Variants in VIPR2 observed in about 807,000 individuals in gnomAD.
VIPR2 encodes the protein vasoactive intestinal polypeptide receptor 2.
A neutral mutation model predicts 58.0 loss-of-function variants in VIPR2; 48 were observed. The observed-to-expected ratio is 0.83, with a 90% CI of 0.66 to 1.05. The LOEUF is 1.05. Ranked by LOEUF, VIPR2 falls within the 50% of genes least tolerant of loss-of-function variation. The pLI, the probability that VIPR2 is intolerant of heterozygous loss-of-function variation, is 0.00. For synonymous variants in VIPR2, 243 were observed against 235.2 expected (o/e 1.03, Z -0.30); for missense variants, 534 against 558.0 (o/e 0.96, Z 0.43).
At chr7:159,103,891 C>T in intron 3 of VIPR2, 37 bp from the exon 4 acceptor site, 1 of 1,578,926 alleles carries the variant, frequency 6.3e-7, no homozygotes, top group Non-Finnish European at 8.7e-7. Flanking sequence ...TCTGCAAGTC[C>T]ATGAAAACTG....
intron 4 of VIPR2, among the ~76,000 whole-genome samples, chr7:159,070,165 TG>T (rs1488549956): frequency 6.6e-6 from 1 of 152,186 alleles, no homozygotes; most frequent in Non-Finnish European, 1.5e-5. Flanking sequence ...GTGAGATTCC[TG>T]GGAAGGACTT....
intron 4 of VIPR2, among the ~76,000 whole-genome samples, chr7:159,101,952 G>A (rs963811337): frequency 2.8e-5 from 4 of 144,476 alleles, no homozygotes; most frequent in African/African-American, 7.9e-5. Flanking sequence ...TGAGTCTCAC[G>A]AGATCCGACG....
At chr7:159,112,570 G>A (rs141294418) in intron 2 of VIPR2, among the ~76,000 whole-genome samples, 2 of 152,260 alleles carry the variant, frequency 1.3e-5, no homozygotes, top group African/African-American at 2.4e-5. Context: ...AGGCAGAGGA[G>A]GGGGAGAAGC....
chr7:159,104,771 C>T (rs1188123580), intron 3 of VIPR2, among the ~76,000 whole-genome samples: 2 of 151,430 alleles, frequency 1.3e-5, no homozygotes, highest in African/African-American at 2.4e-5. Flanking sequence ...CTCCTCCCAG[C>T]CAGCACCCTT....
At chr7:159,033,307 A>C (rs1245668857) in intron 10 of VIPR2, among the ~76,000 whole-genome samples, 1 of 152,062 alleles carries the variant, frequency 6.6e-6, no homozygotes, top group South Asian at 2.1e-4. Context: ...GAGAAAAGGG[A>C]AATGCAGGCC....
Position 159,109,874 on chromosome 7 carries a change from T to C in VIPR2, c.197A>G (p.Asn66Ser), listed in dbSNP as rs764586726. ...GGGCACCGTGACGGTCTCTCCCACA[T>C]TGGCAGGCCGCCAGCACGTGATGTT... ...WDNITCWRPA[N>S]VGETVTVPCP... Residue 66 changes from asparagine to serine, a missense_variant, in exon 3 of 13, where the codon AAT (asparagine) becomes AGT (serine). Physicochemically the swap from Asn to Ser is conservative, Grantham distance 46. This residue lies in a region of VIPR2 where 224 missense variants were observed against 255.7 expected (regional missense o/e 0.88). Transcript: ENST00000262178. 6 of 1,614,120 alleles carry C rather than the reference T, an allele frequency of 3.7e-6. No individual in the cohort carries two copies. In the South Asian group the frequency reaches 4.4e-5, roughly 12 times the overall value.
At chr7:159,079,725 C>T (rs1248472282) in intron 4 of VIPR2, among the ~76,000 whole-genome samples, 1 of 152,110 alleles carries the variant, frequency 6.6e-6, no homozygotes, top group Non-Finnish European at 1.5e-5. Flanking sequence ...GCTAGCAAGA[C>T]TAATAAAGAA....
At chr7:159,034,470 T>C (rs764511534) in intron 9 of VIPR2, 111 bp downstream of exon 9, 1 of 1,332,216 alleles carries the variant, frequency 7.5e-7, no homozygotes, top group Non-Finnish European at 1.1e-6. Context: ...CCGGGAAGGC[T>C]GAGTGATGCG....
chr7:159,109,781 G>T, intron 3 of VIPR2, 31 bp downstream of exon 3: 3 of 1,596,864 alleles, frequency 1.9e-6, no homozygotes, highest in Non-Finnish European at 2.6e-6. Context: ...ACACCCTGGA[G>T]GAGCTCAGGA....
intron 3 of VIPR2, among the ~76,000 whole-genome samples, chr7:159,107,030 G>A (rs1179659399): frequency 2.6e-5 from 4 of 152,082 alleles, no homozygotes; most frequent in African/African-American, 9.7e-5. Context: ...GTGGGGGGTG[G>A]GAGCACACTC....
At chr7:159,090,766 C>A (rs1389981553) in intron 4 of VIPR2, among the ~76,000 whole-genome samples, 1 of 108,044 alleles carries the variant, frequency 9.3e-6, no homozygotes, top group African/African-American at 4.0e-5. Context: ...ACAGGGGCCA[C>A]CTCCTGCGAC....
At chr7:159,141,448 T>A (rs901051341) in intron 2 of VIPR2, among the ~76,000 whole-genome samples, 4 of 152,244 alleles carry the variant, frequency 2.6e-5, no homozygotes, top group African/African-American at 9.6e-5. Context: ...CTACAGCCCA[T>A]TGTCCAGCGT....
intron 4 of VIPR2, among the ~76,000 whole-genome samples, chr7:159,084,085 G>A (rs73527827): frequency 0.083 from 12,676 of 152,298 alleles, 1,272 homozygotes; most frequent in African/African-American, 0.24. Flanking sequence ...AATGATGAAC[G>A]TCTTAACCAA....
intron 8 of VIPR2, among the ~76,000 whole-genome samples, chr7:159,035,490 A>T (rs1585328447): frequency 6.6e-6 from 1 of 152,202 alleles, no homozygotes; most frequent in Non-Finnish European, 1.5e-5. Context: ...ACGCGTGCTC[A>T]TGTCTGGGCC....
chr7:159,034,471 G>A, intron 9 of VIPR2, 110 bp downstream of exon 9: 1 of 1,331,722 alleles, frequency 7.5e-7, no homozygotes, highest in Non-Finnish European at 1.1e-6. Context: ...CGGGAAGGCT[G>A]AGTGATGCGT....
At chr7:159,052,810 A>G (rs1855086068) in intron 5 of VIPR2, among the ~76,000 whole-genome samples, 1 of 152,254 alleles carries the variant, frequency 6.6e-6, no homozygotes, top group Non-Finnish European at 1.5e-5. Context: ...GTACATAAAA[A>G]TCATGATAAA....
At chr7:159,088,531 C>T (rs1205638410) in intron 4 of VIPR2, among the ~76,000 whole-genome samples, 1 of 152,256 alleles carries the variant, frequency 6.6e-6, no homozygotes, top group African/African-American at 2.4e-5. Flanking sequence ...CACCTGCACA[C>T]CTGCTGCAGC....
intron 4 of VIPR2, among the ~76,000 whole-genome samples, chr7:159,094,524 G>C (rs1288116695): frequency 1.3e-5 from 2 of 152,200 alleles, no homozygotes; most frequent in Admixed American, 1.3e-4. Context: ...GTGGCCTCCT[G>C]TTCCTCCTCT....
chr7:159,077,031 C>G (rs1856670676), intron 4 of VIPR2, among the ~76,000 whole-genome samples: 1 of 152,140 alleles, frequency 6.6e-6, no homozygotes, highest in Non-Finnish European at 1.5e-5. Context: ...AGCTAATAAC[C>G]CCTTTGGTTA....
Sources: gnomAD v4.1 joint callset for allele counts (sites outside exome capture counted in the v4.1 genomes callset) on GRCh38, gnomAD v4.1.1 for gene constraint, gnomAD v4.1.1 regional missense constraint, MANE v1.5 for transcripts, NCBI Gene and HGNC (gene_info 2026-07-23, HGNC 2026-07-21) for gene names.